Variants in NRXN3 observed in about 807,000 individuals in gnomAD.
NRXN3 encodes the protein neurexin III.
NRXN3 carries 32 observed loss-of-function variants against 137.6 expected under a neutral mutation model. The observed-to-expected ratio is 0.23, with a 90% confidence interval of 0.18 to 0.31. The LOEUF (loss-of-function observed/expected upper bound fraction) is 0.31, where lower values mean the gene tolerates loss of function less well. NRXN3 is among the 10% of genes least tolerant of loss of function. NRXN3 has a pLI of 1.00. For missense variants in NRXN3, 1,574 were observed against 2,062.5 expected (o/e 0.76, Z 4.59); for synonymous variants, 798 against 784.5 (o/e 1.02, Z -0.29).
chr14:79,769,950 CA>C (rs912805812), intron 19 of NRXN3, among the ~76,000 whole-genome samples: 4 of 151,268 alleles, frequency 2.6e-5, no homozygotes, highest in South Asian at 2.1e-4. Flanking sequence ...AAATGGAAAA[CA>C]AAAAAAGGCA....
intron 10 of NRXN3, among the ~76,000 whole-genome samples, chr14:78,942,327 T>G (rs554638434): frequency 6.6e-6 from 1 of 152,370 alleles, no homozygotes; most frequent in South Asian, 2.1e-4. Context: ...TCTCTGACTC[T>G]TAACTCTTCC....
chr14:79,858,489 T>A (rs1425005308), intron 20 of NRXN3, among the ~76,000 whole-genome samples: 1 of 151,876 alleles, frequency 6.6e-6, no homozygotes, highest in African/African-American at 2.4e-5. Flanking sequence ...GGGCTTTGCC[T>A]CCTAAGATAT....
intron 4 of NRXN3, among the ~76,000 whole-genome samples, chr14:78,367,534 C>T (rs994223552): frequency 2.0e-5 from 3 of 152,196 alleles, no homozygotes; most frequent in African/African-American, 4.8e-5. Context: ...TTGCATGTCA[C>T]CTACTCTGCT....
intron 8 of NRXN3, among the ~76,000 whole-genome samples, chr14:78,791,689 C>T (rs1353793068): frequency 2.0e-5 from 3 of 152,086 alleles, no homozygotes; most frequent in Non-Finnish European, 2.9e-5. Flanking sequence ...CATGGATTCC[C>T]CTCCATTGCC....
At chr14:79,022,850 A>G (rs1217667247) in intron 15 of NRXN3, among the ~76,000 whole-genome samples, 1 of 152,172 alleles carries the variant, frequency 6.6e-6, no homozygotes, top group Non-Finnish European at 1.5e-5. Context: ...AGCCTTAATC[A>G]GGGCCCACAT....
intron 4 of NRXN3, among the ~76,000 whole-genome samples, chr14:78,351,703 T>A (rs2083515303): frequency 6.6e-6 from 1 of 152,064 alleles, no homozygotes; most frequent in Non-Finnish European, 1.5e-5. Context: ...TTATTCTGGA[T>A]AACCACTCCT....
chr14:79,051,583 G>A (rs2099641972), intron 15 of NRXN3, among the ~76,000 whole-genome samples: 1 of 152,196 alleles, frequency 6.6e-6, no homozygotes, highest in African/African-American at 2.4e-5. Context: ...TTTATGCTTA[G>A]CTATTTCAGA....
At chr14:79,361,414 C>G (rs2093676469) in intron 15 of NRXN3, among the ~76,000 whole-genome samples, 1 of 152,096 alleles carries the variant, frequency 6.6e-6, no homozygotes, top group Non-Finnish European at 1.5e-5. Context: ...CCTGACCAAA[C>G]AATTGATTAC....
At position 79,220,920 on chromosome 14, in the gene NRXN3, C is replaced by G. The variant is rs368042069; in HGVS notation, c.3262+232779C>G. Among the ~76,000 whole-genome samples, 112 of 151,420 alleles carry G rather than the reference C, an allele frequency of 7.4e-4. 2 individuals are homozygous for G. The South Asian group carries it at 9.3e-3, about 13-fold the overall frequency. ...CCCTCCCCTAGCCCCCATTCCCCAA[C>G]AGGCCCCGGTGTGTGATGTTCCCCT... On this transcript the variant is annotated intron_variant, in intron 15 of 20. Coordinates refer to ENST00000335750, the MANE Select transcript of NRXN3 (RefSeq NM_001330195.2).
intron 15 of NRXN3, among the ~76,000 whole-genome samples, chr14:79,034,151 T>C (rs886435761): frequency 6.6e-6 from 1 of 152,062 alleles, no homozygotes; most frequent in Non-Finnish European, 1.5e-5. Flanking sequence ...AGACAGTCTA[T>C]GAATGTGAGA....
At chr14:78,595,480 G>A (rs2097151103) in intron 4 of NRXN3, among the ~76,000 whole-genome samples, 1 of 152,124 alleles carries the variant, frequency 6.6e-6, no homozygotes, top group Non-Finnish European at 1.5e-5. Context: ...CTTGTAGCAA[G>A]GTAGACTGGG....
chr14:79,555,045 A>G (rs1387914036), intron 16 of NRXN3, among the ~76,000 whole-genome samples: 1 of 152,134 alleles, frequency 6.6e-6, no homozygotes, highest in African/African-American at 2.4e-5. Context: ...TCCTATTGGC[A>G]GTTCTAATAG....
At chr14:79,766,641 ATCT>A (rs1423678441) in intron 19 of NRXN3, among the ~76,000 whole-genome samples, 2 of 152,178 alleles carry the variant, frequency 1.3e-5, no homozygotes, top group Admixed American at 1.3e-4. Context: ...TCTCACAAAG[ATCT>A]TCTTAGCTCT....
chr14:78,304,224 G>T (rs1452227363), intron 4 of NRXN3, among the ~76,000 whole-genome samples: 1 of 152,178 alleles, frequency 6.6e-6, no homozygotes. Context: ...GGCCCTGTGT[G>T]TGCAAGTGTC....
chr14:79,324,727 A>T (rs2090589240), intron 15 of NRXN3, among the ~76,000 whole-genome samples: 3 of 152,164 alleles, frequency 2.0e-5, no homozygotes, highest in Non-Finnish European at 4.4e-5. Flanking sequence ...AATAAAAGAG[A>T]ACGTCTGTGG....
intron 15 of NRXN3, among the ~76,000 whole-genome samples, chr14:79,257,246 G>A (rs2076699273): frequency 6.6e-6 from 1 of 151,634 alleles, no homozygotes; most frequent in Non-Finnish European, 1.5e-5. Context: ...TTCATGCTGA[G>A]TGGAGTGTAA....
chr14:79,097,942 G>C (rs1359992329), intron 15 of NRXN3, among the ~76,000 whole-genome samples: 1 of 152,142 alleles, frequency 6.6e-6, no homozygotes. Context: ...TCAGCAGGTT[G>C]TTTGGGCTTA....
intron 15 of NRXN3, among the ~76,000 whole-genome samples, chr14:79,123,967 G>A (rs922193102): frequency 1.3e-5 from 2 of 152,062 alleles, no homozygotes; most frequent in Non-Finnish European, 2.9e-5. Context: ...TCTAATCAAT[G>A]TAATGGGATG....
At chr14:79,180,266 T>C (rs1375118231) in intron 15 of NRXN3, among the ~76,000 whole-genome samples, 1 of 152,194 alleles carries the variant, frequency 6.6e-6, no homozygotes, top group Admixed American at 6.5e-5. Context: ...AGAAGGCCTA[T>C]TGCTGCTACC....
Sources: allele counts gnomAD v4.1 joint callset (sites outside exome capture counted in the v4.1 genomes callset), GRCh38; gene constraint gnomAD v4.1.1; transcripts MANE v1.5; gene names NCBI Gene and HGNC (gene_info 2026-07-23, HGNC 2026-07-21).